Variants in LAMP1 observed in about 807,000 individuals in gnomAD.
The protein encoded by LAMP1 is lysosome-associated membrane glycoprotein 1.
LAMP1 carries 7 observed loss-of-function variants against 37.5 expected under a neutral mutation model. The observed-to-expected ratio is 0.19, with a 90% CI of 0.11 to 0.35. The LOEUF (loss-of-function observed/expected upper bound fraction) is 0.35. Ranked by LOEUF, LAMP1 falls within the 10% of genes least tolerant of loss-of-function variation. The pLI is 1.00. For synonymous variants in LAMP1, 236 were observed against 229.1 expected, an observed-to-expected ratio of 1.03 and a Z score of -0.27; for missense variants, 537 against 552.8, an observed-to-expected ratio of 0.97 and a Z score of 0.29.
rs140268305 is a variant in LAMP1 at position 113,315,831 on chromosome 13, G to A, written c.563-3638G>A. Among the ~76,000 whole-genome samples the A allele has an allele frequency of 2.5e-3, 386 of 151,992 alleles. 1 individual carries two copies. The highest frequency in any genetic ancestry group is 9.1e-3 in the African/African-American group (376 of 41,464). ...AAGTAGGGCACATGTGGCTGGGCAC[G>A]GTGGCTCAGTCCTGTAATCCCAGCA... On this transcript the variant is annotated intron_variant, in intron 4 of 8. Transcript: ENST00000332556.
intron 4 of LAMP1, among the ~76,000 whole-genome samples, chr13:113,312,143 CACTCCTCCCCGAGGAGCAGGT>C (rs2042633802): frequency 6.6e-6 from 1 of 152,180 alleles, no homozygotes; most frequent in Admixed American, 6.5e-5. Context: ...TCGTCCGTCT[CACTCCTCCCCGAGGAGCAGGT>C]ACTCTTGCAG....
chr13:113,304,063 T>TA (rs1279067511), intron 1 of LAMP1, among the ~76,000 whole-genome samples: 1 of 151,818 alleles, frequency 6.6e-6, no homozygotes, highest in Non-Finnish European at 1.5e-5. Flanking sequence ...ACTCAGTCTC[T>TA]AAAAAATAAA....
At position 113,309,796 on chromosome 13, in the gene LAMP1, G is replaced by T. The variant is rs374537669; in HGVS notation, c.337G>T (p.Val113Phe). ...CACGAGAAATGCAACACGTTACAGCGTCCAGCTCATGAGTTTTGTTTATAA... is the reference window on the plus strand; with the variant it reads ...CACGAGAAATGCAACACGTTACAGCTTCCAGCTCATGAGTTTTGTTTATAA... Reference protein sequence around the residue: ...NFTRNATRYSVQLMSFVYNLS... With the variant: ...NFTRNATRYSFQLMSFVYNLS... Residue 113 changes from valine to phenylalanine, a missense_variant, in exon 3 of 9, where the codon GTC becomes TTC. Val to Phe is a conservative substitution (Grantham distance 50). Transcript: ENST00000332556. The T allele has an allele frequency of 6.2e-7, 1 of 1,614,102 alleles. No homozygotes were observed. Among genetic ancestry groups the T allele is most frequent in the Admixed American group, 1.7e-5 (1 of 60,022 alleles).
intron 1 of LAMP1, among the ~76,000 whole-genome samples, chr13:113,302,330 A>C (rs1028467635): frequency 6.6e-6 from 1 of 152,148 alleles, no homozygotes; most frequent in East Asian, 1.9e-4. Context: ...GACTACAGGC[A>C]TGCGCCACCA....
intron 1 of LAMP1, among the ~76,000 whole-genome samples, chr13:113,303,278 C>T (rs920717929): frequency 6.6e-6 from 1 of 152,194 alleles, no homozygotes; most frequent in African/African-American, 2.4e-5. Context: ...GCATGCTTCC[C>T]ACAGCGGCAC....
chr13:113,316,789 A>G (rs2042667620), intron 4 of LAMP1, among the ~76,000 whole-genome samples: 1 of 151,460 alleles, frequency 6.6e-6, no homozygotes, highest in Non-Finnish European at 1.5e-5. Context: ...ATCGATGGTA[A>G]AACATTGGAG....
rs750230850 is a variant in LAMP1, at chr13:113,310,830, C to G, written c.525C>G (p.Ile175Met). Reference protein sequence around the residue: ...NVTVTLHDATIQAYLSNSSFS... With the variant: ...NVTVTLHDATMQAYLSNSSFS... ...CCGTAACGCTCCATGATGCCACCATCCAGGCGTACCTTTCCAACAGCAGCT... is the reference window on the plus strand; with the variant it reads ...CCGTAACGCTCCATGATGCCACCATGCAGGCGTACCTTTCCAACAGCAGCT... Residue 175 changes from isoleucine (I) to methionine (M), a missense_variant, in exon 4 of 9, where the codon ATC (isoleucine) becomes ATG (methionine). Coordinates refer to ENST00000332556, the MANE Select transcript of LAMP1 (RefSeq NM_005561.4). 3 of 1,613,854 alleles carry G rather than the reference C, an allele frequency of 1.9e-6. No individual in the cohort carries two copies. The South Asian group carries it at 3.3e-5, about 18-fold the overall frequency.
At chr13:113,316,509 G>A (rs920092464) in intron 4 of LAMP1, among the ~76,000 whole-genome samples, 6 of 149,340 alleles carry the variant, frequency 4.0e-5, no homozygotes, top group African/African-American at 1.5e-4. Context: ...TGCAAGCTCC[G>A]CCTCCTGGGT....
chr13:113,297,549 C>T lies in LAMP1; in HGVS notation c.61+54C>T, dbSNP rs958783770. On this transcript the variant is annotated intron_variant, in intron 1 of 8. Transcript: ENST00000332556. The surrounding 1 kb of genome is among the most constrained non-coding windows in gnomAD (Gnocchi z 4.4). ...CGGCGGGACCGGGCGGAGCCGAGGT[C>T]CCTGGGTCTTGAGGGCGGGGGACTG... 1.2e-5 allele frequency: 15 copies of T among 1,215,662 alleles called. No individual in the cohort carries two copies. The South Asian group carries it at 1.6e-4, about 13-fold the overall frequency. The allele number at this position is 1,215,662 out of a possible 1,614,324, so 75.3% of individuals were successfully genotyped here.
At chr13:113,314,127 G>A (rs796510397) in intron 4 of LAMP1, among the ~76,000 whole-genome samples, 1 of 108,374 alleles carries the variant, frequency 9.2e-6, no homozygotes, top group Non-Finnish European at 1.7e-5. Flanking sequence ...GTGGCCTCCC[G>A]GAGGGAGTCA....
At chr13:113,310,949 T>C in intron 4 of LAMP1, 82 bp downstream of exon 4, 1 of 1,198,292 alleles carries the variant, frequency 8.3e-7, no homozygotes, top group Non-Finnish European at 1.2e-6. Context: ...CACTGCTCTG[T>C]GTCCTGGTGC....
chr13:113,310,862 G>T lies in LAMP1; in HGVS notation c.557G>T (p.Arg186Leu), dbSNP rs1468241727. Residue 186 changes from arginine to leucine, a missense_variant, in exon 4 of 9, where the codon CGG (arginine) becomes CTG (leucine). Coordinates refer to ENST00000332556, the MANE Select transcript of LAMP1 (RefSeq NM_005561.4). ...TACCTTTCCAACAGCAGCTTCAGCCGGGGAGGTAGGACGCTGACCCTTGGC... is the reference window on the plus strand; with the variant it reads ...TACCTTTCCAACAGCAGCTTCAGCCTGGGAGGTAGGACGCTGACCCTTGGC... ...QAYLSNSSFS[R>L]GETRCEQDRP... is the part of the protein sequence containing the mutation. The T allele has an allele frequency of 5.6e-6, 9 of 1,610,280 alleles. No homozygotes were observed. Among genetic ancestry groups the T allele is most frequent in the Admixed American group, 3.4e-5 (2 of 59,692 alleles).
chr13:113,302,842 C>T (rs778053563), intron 1 of LAMP1, among the ~76,000 whole-genome samples: 3 of 152,124 alleles, frequency 2.0e-5, no homozygotes, highest in South Asian at 2.1e-4. Context: ...TCTAGGTCTC[C>T]GCCACTCACT....
intron 2 of LAMP1, among the ~76,000 whole-genome samples, chr13:113,308,210 T>A (rs1472738447): frequency 6.6e-6 from 1 of 151,938 alleles, no homozygotes; most frequent in Non-Finnish European, 1.5e-5. Context: ...GAGACGGGGT[T>A]TTGCTATGTT....
At chr13:113,300,486 CAAAA>C (rs781688099) in intron 1 of LAMP1, among the ~76,000 whole-genome samples, 6 of 60,240 alleles carry the variant, frequency 1.0e-4, no homozygotes, top group Non-Finnish European at 1.1e-4. Flanking sequence ...AACTCAATGT[CAAAA>C]AAAAAAAAAA....
chr13:113,314,890 C>G, intron 4 of LAMP1, among the ~76,000 whole-genome samples: 1 of 120,508 alleles, frequency 8.3e-6, no homozygotes, highest in Admixed American at 8.3e-5. Context: ...GGGGCGTGGC[C>G]TCCTAGAGGG....
Position 113,306,435 on chromosome 13 carries a change from G to C in LAMP1, c.62-50G>C, listed in dbSNP as rs781708763. On this transcript the variant is annotated intron_variant, in intron 1 of 8. Transcript: ENST00000332556. The stretch of plus-strand genomic sequence containing the variant: ...CTGTGGAAAATGGAAATACTCGGTC[G>C]TATTTTCTGGACAGTTTTTGATGGT... The C allele has an allele frequency of 2.5e-6, 4 of 1,586,248 alleles. No homozygotes were observed. In the Admixed American group the frequency reaches 6.9e-5, roughly 27 times the overall value.
chr13:113,301,305 G>A (rs2139355149), intron 1 of LAMP1, among the ~76,000 whole-genome samples: 1 of 152,058 alleles, frequency 6.6e-6, no homozygotes, highest in East Asian at 1.9e-4. Flanking sequence ...GGCGAGACCA[G>A]TGTCTCTACA....
At position 113,309,722 on chromosome 13, in the gene LAMP1, C is replaced by T. The variant is rs2042619134; in HGVS notation, c.263C>T (p.Pro88Leu). The T allele has an allele frequency of 1.2e-6, 2 of 1,614,214 alleles. No individual in the cohort carries two copies. The highest frequency in any genetic ancestry group is 1.1e-5 in the South Asian group (1 of 91,086). Residue 88 changes from proline (P) to leucine (L), a missense_variant, in exon 3 of 9, where the codon CCC becomes CTC. Physicochemically the swap from Pro to Leu is moderately conservative, Grantham distance 98 (BLOSUM62 -3). Transcript: ENST00000332556. The part of the protein sequence containing the change: ...SSCGKENTSD[P>L]SLVIAFGRGH... ...TGTGGAAAAGAGAACACTTCTGACC[C>T]CAGTCTCGTGATTGCTTTTGGAAGA...
Sources: gnomAD v4.1 joint callset for allele counts (sites outside exome capture counted in the v4.1 genomes callset) on GRCh38, gnomAD v4.1.1 for gene constraint, Gnocchi (gnomAD v3.1) non-coding constraint, MANE v1.5 for transcripts, NCBI Gene and HGNC (gene_info 2026-07-23, HGNC 2026-07-21) for gene names.